Variants in NRG3 observed in about 807,000 individuals in gnomAD.
NRG3 encodes the protein pro-neuregulin-3, membrane-bound isoform.
A neutral mutation model predicts 66.9 loss-of-function variants in NRG3; 31 were observed. The ratio of observed to expected loss-of-function variants is 0.46; its 90% CI spans 0.35 to 0.63. The LOEUF (loss-of-function observed/expected upper bound fraction) is 0.63, where lower values mean the gene tolerates loss of function less well. Ranked by LOEUF, NRG3 falls within the 20% of genes least tolerant of loss-of-function variation. NRG3 has a pLI of 0.00. For missense variants in NRG3, 910 were observed against 878.9 expected (o/e 1.04, Z -0.45); for synonymous variants, 393 against 359.4 (o/e 1.09, Z -1.06).
chr10:82,024,458 C>G (rs974576259), intron 1 of NRG3, among the ~76,000 whole-genome samples: 3 of 151,696 alleles, frequency 2.0e-5, no homozygotes, highest in Non-Finnish European at 4.4e-5. Flanking sequence ...GTTTCTTTTT[C>G]CTTTATTTCA....
intron 2 of NRG3, among the ~76,000 whole-genome samples, chr10:82,640,515 T>G (rs578054502): frequency 1.3e-5 from 2 of 152,290 alleles, no homozygotes; most frequent in African/African-American, 4.8e-5. Flanking sequence ...GTTTTCTCCA[T>G]GGACTGGACA....
At chr10:82,940,469 C>T (rs1242816698) in intron 4 of NRG3, among the ~76,000 whole-genome samples, 1 of 152,114 alleles carries the variant, frequency 6.6e-6, no homozygotes, top group Admixed American at 6.5e-5. Context: ...CAAATTTCTC[C>T]TTTTACTAAG....
chr10:82,558,168 C>T (rs544210210), intron 2 of NRG3, among the ~76,000 whole-genome samples: 14 of 152,218 alleles, frequency 9.2e-5, no homozygotes, highest in East Asian at 3.9e-4. Context: ...TGAGGCACTT[C>T]GAGACTTTCA....
At chr10:82,602,068 G>A (rs529684457) in intron 2 of NRG3, among the ~76,000 whole-genome samples, 3 of 151,434 alleles carry the variant, frequency 2.0e-5, no homozygotes, top group Non-Finnish European at 4.4e-5. Context: ...GGGTGACAGA[G>A]TGAAGCCCTG....
intron 1 of NRG3, among the ~76,000 whole-genome samples, chr10:82,052,220 T>A (rs1589924264): frequency 6.6e-6 from 1 of 152,112 alleles, no homozygotes; most frequent in South Asian, 2.1e-4. Context: ...GATCTACCTG[T>A]CTCACCAAAA....
At chr10:82,667,445 A>G (rs986222662) in intron 2 of NRG3, among the ~76,000 whole-genome samples, 64 of 152,322 alleles carry the variant, frequency 4.2e-4, no homozygotes, top group African/African-American at 1.3e-3. Flanking sequence ...ATATCTCAAC[A>G]GTGGAATAAT....
At position 82,609,436 on chromosome 10, in the gene NRG3, A is replaced by C. The variant is rs550950132; in HGVS notation, c.954-129141A>C. 3.3e-5 allele frequency among the ~76,000 whole-genome samples: 5 copies of C among 152,294 alleles called. No homozygotes were observed. The South Asian group carries it at 1.0e-3, about 32-fold the overall frequency. On this transcript the variant is annotated intron_variant, in intron 2 of 8. Transcript: ENST00000372141. ...ACCTCTGTCTGTCTTTCAGGACTACAATCTATTCAGAGGAAAATCTCACCT... is the reference window on the plus strand; with the variant it reads ...ACCTCTGTCTGTCTTTCAGGACTACCATCTATTCAGAGGAAAATCTCACCT...
At chr10:82,312,190 G>A (rs1022131322) in intron 1 of NRG3, among the ~76,000 whole-genome samples, 1 of 152,046 alleles carries the variant, frequency 6.6e-6, no homozygotes, top group Admixed American at 6.6e-5. Context: ...AGTTAACAGA[G>A]GGCATCTCAC....
intron 1 of NRG3, among the ~76,000 whole-genome samples, chr10:82,355,663 G>T (rs1564832400): frequency 6.6e-6 from 1 of 152,112 alleles, no homozygotes. Context: ...AGTTTATTAA[G>T]GGTCCAGAAT....
chr10:82,093,823 A>G (rs11192464), intron 1 of NRG3, among the ~76,000 whole-genome samples: 4,170 of 152,250 alleles, frequency 0.027, 197 homozygotes, highest in African/African-American at 0.096. Context: ...AGGGGAGATA[A>G]TTTGGGAGTG....
intron 1 of NRG3, among the ~76,000 whole-genome samples, chr10:82,049,650 A>G (rs1405007678): frequency 6.6e-6 from 1 of 152,034 alleles, no homozygotes. Flanking sequence ...TTGCAGTGAG[A>G]AAAGCCCATT....
intron 2 of NRG3, among the ~76,000 whole-genome samples, chr10:82,488,188 A>G (rs748126162): frequency 2.6e-5 from 4 of 152,210 alleles, no homozygotes; most frequent in African/African-American, 4.8e-5. Context: ...TGAAGTCATC[A>G]ACAAGTCATC....
intron 2 of NRG3, among the ~76,000 whole-genome samples, chr10:82,599,417 G>A (rs534620693): frequency 1.3e-5 from 2 of 152,204 alleles, no homozygotes; most frequent in African/African-American, 4.8e-5. Context: ...ATGAGTGATG[G>A]AATTGTCATC....
At position 81,875,756 on chromosome 10, in the gene NRG3, C is replaced by A; in HGVS notation, c.416C>A (p.Thr139Asn). 1 of 1,612,360 alleles carries A rather than the reference C, an allele frequency of 6.2e-7. No individual in the cohort carries two copies. ...TTTTSTTSPA[T>N]PSAGGAASSR... ...ACCACTTCCACCACGTCCCCCGCCA[C>A]CCCCTCCGCCGGGGGTGCCGCCTCC... The change falls in exon 1 of 9, where the codon ACC becomes AAC. Residue 139 changes from threonine (T) to asparagine (N), a missense_variant. Physicochemically the swap from Thr to Asn is moderately conservative, Grantham distance 65 (BLOSUM62 0). Transcript: ENST00000372141. This position sits in a 1 kb window ranked among gnomAD's most constrained non-coding sequence, Gnocchi z 5.3.
intron 4 of NRG3, among the ~76,000 whole-genome samples, chr10:82,878,789 A>G (rs544232087): frequency 6.6e-6 from 1 of 152,328 alleles, no homozygotes; most frequent in Admixed American, 6.5e-5. Flanking sequence ...CCATAAAAGC[A>G]TACCATTCCC....
chr10:81,953,947 G>A (rs558154735), intron 1 of NRG3, among the ~76,000 whole-genome samples: 2 of 152,264 alleles, frequency 1.3e-5, no homozygotes, highest in South Asian at 4.2e-4. Flanking sequence ...CAGATATATT[G>A]AATTAGACTT....
intron 1 of NRG3, among the ~76,000 whole-genome samples, chr10:81,990,092 G>A (rs2060681556): frequency 6.6e-6 from 1 of 152,152 alleles, no homozygotes; most frequent in African/African-American, 2.4e-5. Flanking sequence ...TTGAGAAGGT[G>A]TTTGCGACAG....
At chr10:82,294,497 T>C (rs1451419554) in intron 1 of NRG3, among the ~76,000 whole-genome samples, 18 of 151,920 alleles carry the variant, frequency 1.2e-4, no homozygotes, top group African/African-American at 3.4e-4. Flanking sequence ...CAGTTACACA[T>C]ACAGTCATAT....
intron 1 of NRG3, among the ~76,000 whole-genome samples, chr10:82,122,329 G>A (rs2068141964): frequency 6.6e-6 from 1 of 152,012 alleles, no homozygotes; most frequent in Admixed American, 6.6e-5. Context: ...TTTCCCCTTG[G>A]CATTTGGTTT....
Sources: gnomAD v4.1 joint callset for allele counts (sites outside exome capture counted in the v4.1 genomes callset) on GRCh38, gnomAD v4.1.1 for gene constraint, Gnocchi (gnomAD v3.1) non-coding constraint, MANE v1.5 for transcripts, NCBI Gene and HGNC (gene_info 2026-07-23, HGNC 2026-07-21) for gene names.